ACKR3: variants seen among roughly 807,000 people sequenced by gnomAD.
The protein encoded by ACKR3 is C-X-C chemokine receptor type 7.
A neutral mutation model predicts 22.4 loss-of-function variants in ACKR3; 6 were observed. The observed-to-expected ratio is 0.27, with a 90% CI of 0.15 to 0.53. ACKR3 has a LOEUF of 0.53. Ranked by LOEUF, ACKR3 falls within the 20% of genes least tolerant of loss-of-function variation. The pLI, the probability that ACKR3 is intolerant of heterozygous loss-of-function variation, is 0.96. For missense variants in ACKR3, 396 were observed against 475.2 expected, an observed-to-expected ratio of 0.83 and a Z score of 1.55; for synonymous variants, 209 against 205.2, an observed-to-expected ratio of 1.02 and a Z score of -0.16.
At chr2:236,568,146 A>G (rs1053209326), upstream of ACKR3, among the ~76,000 whole-genome samples, 5 of 152,170 alleles carry the variant, frequency 3.3e-5, no homozygotes, top group South Asian at 2.1e-4. Context: ...CCTTTCTTCC[A>G]GCGACAGTAC....
chr2:236,555,330 T>A, the ACKR3 span, among the ~76,000 whole-genome samples: 1 of 152,190 alleles, frequency 6.6e-6, no homozygotes, highest in Non-Finnish European at 1.5e-5. Flanking sequence ...TCTGCAGGGG[T>A]GGGGAATATC....
chr2:236,547,011 T>C, the ACKR3 span, among the ~76,000 whole-genome samples: 5 of 152,232 alleles, frequency 3.3e-5, no homozygotes, highest in East Asian at 9.6e-4. Context: ...TTGTCGGGCT[T>C]CAGCAGCATT....
the ACKR3 span, among the ~76,000 whole-genome samples, chr2:236,548,184 T>G: frequency 2.6e-5 from 4 of 152,244 alleles, no homozygotes; most frequent in African/African-American, 9.6e-5. This position sits in a 1 kb window ranked among gnomAD's most constrained non-coding sequence, Gnocchi z 4.3. Flanking sequence ...TGTTCCTGCT[T>G]AATTCTCATA....
the ACKR3 span, among the ~76,000 whole-genome samples, chr2:236,548,873 A>G: frequency 1.3e-5 from 2 of 152,226 alleles, no homozygotes; most frequent in South Asian, 4.1e-4. The surrounding 1 kb of genome is among the most constrained non-coding windows in gnomAD (Gnocchi z 4.3). Context: ...GCTCGTGCAC[A>G]TGCATCTAAA....
At chr2:236,558,634 T>A in the ACKR3 span, among the ~76,000 whole-genome samples, 1 of 152,174 alleles carries the variant, frequency 6.6e-6, no homozygotes, top group African/African-American at 2.4e-5. Flanking sequence ...CACACAAGTA[T>A]TTTGAGGGTG....
At chr2:236,560,616 C>G in the ACKR3 span, among the ~76,000 whole-genome samples, 1 of 152,058 alleles carries the variant, frequency 6.6e-6, no homozygotes, top group Non-Finnish European at 1.5e-5. Flanking sequence ...ACATATTTCC[C>G]CCCATTCCAT....
At chr2:236,546,893 G>T in the ACKR3 span, among the ~76,000 whole-genome samples, 2 of 152,386 alleles carry the variant, frequency 1.3e-5, no homozygotes, top group South Asian at 4.1e-4. This position sits in a 1 kb window ranked among gnomAD's most constrained non-coding sequence, Gnocchi z 4.9. Flanking sequence ...TCTAAGAGCT[G>T]CCTACAGGGA....
chr2:236,579,255 G>A (rs188818163), intron 1 of ACKR3, among the ~76,000 whole-genome samples: 238 of 152,242 alleles, frequency 1.6e-3, no homozygotes, highest in African/African-American at 5.4e-3. Context: ...AAATGAACTC[G>A]GTAAATAATG....
chr2:236,551,233 A>C, the ACKR3 span, among the ~76,000 whole-genome samples: 1 of 152,206 alleles, frequency 6.6e-6, no homozygotes, highest in Non-Finnish European at 1.5e-5. Flanking sequence ...GCATATGGGC[A>C]CAGCCAGGAA....
At chr2:236,553,623 A>C in the ACKR3 span, among the ~76,000 whole-genome samples, 1 of 152,252 alleles carries the variant, frequency 6.6e-6, no homozygotes, top group Admixed American at 6.5e-5. Flanking sequence ...GGAAGCTCCC[A>C]ATTCCCTGGC....
chr2:236,537,612 C>A, the ACKR3 span, among the ~76,000 whole-genome samples: 1 of 152,206 alleles, frequency 6.6e-6, no homozygotes, highest in Non-Finnish European at 1.5e-5. Flanking sequence ...CACATTGAGA[C>A]CTGGACAACT....
At position 236,580,980 on chromosome 2, in the gene ACKR3, C is replaced by T; in HGVS notation, c.515C>T (p.Ala172Val). The T allele has an allele frequency of 6.2e-7, 1 of 1,614,160 alleles. No individual in the cohort carries two copies. Among genetic ancestry groups the T allele is most frequent in the Non-Finnish European group, 8.5e-7 (1 of 1,180,030 alleles). ...GTCTGCATCCTGGTGTGGCTGCTGG[C>T]CTTCTGCGTGTCTCTGCCTGACACC... ...RVVCILVWLL[A>V]FCVSLPDTYY... Residue 172 changes from alanine to valine, a missense_variant, in exon 2 of 2, where the codon GCC (alanine) becomes GTC (valine). Transcript: ENST00000272928.
At chr2:236,561,514 T>G in the ACKR3 span, among the ~76,000 whole-genome samples, 2 of 138,996 alleles carry the variant, frequency 1.4e-5, no homozygotes, top group South Asian at 2.1e-4. Flanking sequence ...ACAATTGACT[T>G]TTTTTTTTTT....
the ACKR3 span, among the ~76,000 whole-genome samples, chr2:236,558,835 C>T: frequency 2.0e-5 from 3 of 151,734 alleles, no homozygotes; most frequent in Non-Finnish European, 2.9e-5. Flanking sequence ...TAAGTGGAAA[C>T]GAAAAAAATA....
At chr2:236,545,380 G>C in the ACKR3 span, among the ~76,000 whole-genome samples, 1 of 152,110 alleles carries the variant, frequency 6.6e-6, no homozygotes, top group Non-Finnish European at 1.5e-5. The surrounding 1 kb of genome is among the most constrained non-coding windows in gnomAD (Gnocchi z 5.3). Flanking sequence ...CAGGCTTTCC[G>C]CTTCATTTAC....
chr2:236,547,909 T>G, the ACKR3 span, among the ~76,000 whole-genome samples: 1 of 149,566 alleles, frequency 6.7e-6, no homozygotes, highest in Middle Eastern at 3.2e-3. Flanking sequence ...TTGTTGTGCT[T>G]CCTGAATCTG....
the ACKR3 span, among the ~76,000 whole-genome samples, chr2:236,557,147 A>G: frequency 6.6e-6 from 1 of 152,230 alleles, no homozygotes; most frequent in Non-Finnish European, 1.5e-5. Flanking sequence ...CAAACATGGA[A>G]ATGGAGAAAA....
chr2:236,560,316 C>CTTTTTTTT, the ACKR3 span, among the ~76,000 whole-genome samples: 3 of 118,914 alleles, frequency 2.5e-5, 1 homozygote, highest in Non-Finnish European at 3.4e-5. Flanking sequence ...CACTTGTTGC[C>CTTTTTTTT]TTTTTTTTTT....
Position 236,581,598 on chromosome 2 carries a change from C to A in ACKR3, c.*44C>A. 6.3e-7 allele frequency: 1 copy of A among 1,582,714 alleles called. No homozygotes were observed. Among genetic ancestry groups the A allele is most frequent in the Non-Finnish European group, 8.6e-7 (1 of 1,163,002 alleles). ...TGGGACGGGTTTACTTGTTTTTGAA[C>A]AGGGTGATGGGCCCTATGGTTTTCT... On this transcript the variant is annotated 3_prime_UTR_variant, in exon 2 of 2. Transcript: ENST00000272928. The surrounding 1 kb of genome is among the most constrained non-coding windows in gnomAD (Gnocchi z 4.4).
Sources: gnomAD v4.1 joint callset for allele counts (sites outside exome capture counted in the v4.1 genomes callset) on GRCh38, gnomAD v4.1.1 for gene constraint, Gnocchi (gnomAD v3.1) non-coding constraint, MANE v1.5 for transcripts, NCBI Gene and HGNC (gene_info 2026-07-23, HGNC 2026-07-21) for gene names.